The following CDH13 variants were observed in gnomAD, a reference collection of about 807,000 sequenced individuals.
CDH13 encodes cadherin-13.
A neutral mutation model predicts 63.8 loss-of-function variants in CDH13; 24 were observed. The observed-to-expected ratio is 0.38, with a 90% CI of 0.27 to 0.53. The LOEUF (loss-of-function observed/expected upper bound fraction) is 0.53, where lower values mean the gene tolerates loss of function less well. Among genes scored for constraint, CDH13 ranks in the 20% least tolerant of loss-of-function variants. The pLI is 0.85. For missense variants in CDH13, 1,049 were observed against 903.1 expected (o/e 1.16, Z -2.07); for synonymous variants, 503 against 355.3 (o/e 1.42, Z -4.67).
At chr16:83,653,242 A>G (rs114375453) in intron 8 of CDH13, among the ~76,000 whole-genome samples, 1,887 of 152,196 alleles carry the variant, frequency 0.012, 46 homozygotes, top group African/African-American at 0.044. Context: ...TGGTTGCACA[A>G]CTCTGTGAAT....
At chr16:82,865,434 C>A (rs1330604827) in intron 2 of CDH13, among the ~76,000 whole-genome samples, 1 of 152,258 alleles carries the variant, frequency 6.6e-6, no homozygotes, top group Admixed American at 6.5e-5. Flanking sequence ...GTTCCCACAC[C>A]TCAATTCTTG....
At chr16:83,140,033 T>C (rs7189619) in intron 4 of CDH13, among the ~76,000 whole-genome samples, 45,344 of 152,028 alleles carry the variant, frequency 0.3, 7,358 homozygotes, top group African/African-American at 0.43. Flanking sequence ...AGTCCCACCA[T>C]TGGGGATAAC....
At chr16:83,050,594 A>G (rs1202605095) in intron 3 of CDH13, among the ~76,000 whole-genome samples, 3 of 152,074 alleles carry the variant, frequency 2.0e-5, no homozygotes, top group Non-Finnish European at 2.9e-5. Context: ...GTTTTCTACC[A>G]TCCTCAACAA....
chr16:83,624,673 C>G (rs1226624985), intron 8 of CDH13, among the ~76,000 whole-genome samples: 2 of 152,122 alleles, frequency 1.3e-5, no homozygotes, highest in African/African-American at 4.8e-5. Context: ...TGGATCAGTA[C>G]AGGTCCGCAG....
chr16:82,873,897 A>G (rs2040421870), intron 2 of CDH13, among the ~76,000 whole-genome samples: 1 of 152,088 alleles, frequency 6.6e-6, no homozygotes, highest in Non-Finnish European at 1.5e-5. Flanking sequence ...TTCATGTTCT[A>G]GGGATACTTG....
At chr16:83,715,687 T>C (rs970684761) in intron 10 of CDH13, among the ~76,000 whole-genome samples, 2 of 152,288 alleles carry the variant, frequency 1.3e-5, no homozygotes, top group East Asian at 3.9e-4. Flanking sequence ...GGAGCCCTGG[T>C]GGACAGTCTG....
chr16:82,968,444 G>T (rs1478526756), intron 2 of CDH13, among the ~76,000 whole-genome samples: 1 of 152,212 alleles, frequency 6.6e-6, no homozygotes, highest in East Asian at 1.9e-4. Context: ...TAGGGATGAA[G>T]GGGGTTAAGT....
intron 2 of CDH13, among the ~76,000 whole-genome samples, chr16:83,028,968 T>A (rs1351909601): frequency 6.6e-6 from 1 of 152,212 alleles, no homozygotes; most frequent in Admixed American, 6.5e-5. Flanking sequence ...GCTCATCATT[T>A]ACAACCTGTG....
intron 7 of CDH13, among the ~76,000 whole-genome samples, chr16:83,530,169 G>T (rs1047790108): frequency 9.8e-5 from 15 of 152,300 alleles, no homozygotes; most frequent in African/African-American, 3.4e-4. Flanking sequence ...GGGGTGTTCA[G>T]CTTGGTGCTA....
In CDH13 at chr16:83,056,354, C is replaced by G. The variant is rs1219196043; in HGVS notation, c.366+24136C>G. On this transcript the variant is annotated intron_variant, in intron 3 of 13. Coordinates refer to ENST00000567109, the MANE Select transcript of CDH13 (RefSeq NM_001257.5). The stretch of plus-strand genomic sequence containing the variant: ...ACACTAAAGGCTCTTACAAGAAAGT[C>G]CAGAATAACACTTTGTAATAGCTAA... Among the ~76,000 whole-genome samples, 3 of 151,884 alleles carry G rather than the reference C, an allele frequency of 2.0e-5. No homozygotes were observed. The South Asian group carries it at 6.2e-4, about 32-fold the overall frequency.
At chr16:83,464,775 T>G (rs1397361218) in intron 6 of CDH13, among the ~76,000 whole-genome samples, 1 of 152,100 alleles carries the variant, frequency 6.6e-6, no homozygotes, top group African/African-American at 2.4e-5. Flanking sequence ...TGGGTAGACG[T>G]GAATTTGGGG....
chr16:83,482,462 G>A (rs111370951), intron 6 of CDH13, among the ~76,000 whole-genome samples: 9 of 152,316 alleles, frequency 5.9e-5, no homozygotes, highest in African/African-American at 2.2e-4. Flanking sequence ...GAGTCCTCTG[G>A]GGAAACCTTG....
intron 6 of CDH13, among the ~76,000 whole-genome samples, chr16:83,412,654 A>G (rs981917568): frequency 2.6e-5 from 4 of 152,000 alleles, no homozygotes; most frequent in Admixed American, 2.0e-4. Flanking sequence ...GGGCACATCA[A>G]CTCCTTGCAG....
At chr16:83,286,584 T>C (rs999453027) in intron 5 of CDH13, among the ~76,000 whole-genome samples, 1 of 151,934 alleles carries the variant, frequency 6.6e-6, no homozygotes, top group Non-Finnish European at 1.5e-5. Context: ...AGTGAAACCC[T>C]GTCTCTACTA....
In CDH13 at chr16:82,728,977, C is replaced by G. The variant is rs563639387; in HGVS notation, c.45+101840C>G. 2.0e-5 allele frequency among the ~76,000 whole-genome samples: 3 copies of G among 152,132 alleles called. No individual in the cohort carries two copies. In the East Asian group the frequency reaches 5.8e-4, roughly 29 times the overall value. The stretch of plus-strand genomic sequence containing the variant: ...CCATCTCAAGAAACCACTTTCTTGG[C>G]TCATCTATAAGAAGCAACTCCTCAT... On this transcript the variant is annotated intron_variant, in intron 1 of 13. Transcript: ENST00000567109.
intron 1 of CDH13, among the ~76,000 whole-genome samples, chr16:82,725,312 T>C (rs147707788): frequency 1.3e-5 from 2 of 152,314 alleles, no homozygotes; most frequent in Non-Finnish European, 2.9e-5. Context: ...CAAACCAGGT[T>C]TGTGGCCTTG....
chr16:82,754,592 C>T (rs934878531), intron 1 of CDH13, among the ~76,000 whole-genome samples: 4 of 152,180 alleles, frequency 2.6e-5, no homozygotes, highest in African/African-American at 9.7e-5. Context: ...ACAGCTTCTA[C>T]ACAAAGGAAG....
chr16:82,931,397 C>G (rs1214049362), intron 2 of CDH13, among the ~76,000 whole-genome samples: 1 of 152,174 alleles, frequency 6.6e-6, no homozygotes, highest in Non-Finnish European at 1.5e-5. Context: ...GACTTGGACT[C>G]ACATCCTACT....
intron 1 of CDH13, among the ~76,000 whole-genome samples, chr16:82,784,014 G>T (rs897592484): frequency 6.6e-6 from 1 of 152,176 alleles, no homozygotes; most frequent in Non-Finnish European, 1.5e-5. Context: ...CTGGAGGTGT[G>T]TGTGGCTGGG....
Sources: gnomAD v4.1 joint callset for allele counts (sites outside exome capture counted in the v4.1 genomes callset) on GRCh38, gnomAD v4.1.1 for gene constraint, MANE v1.5 for transcripts, NCBI Gene and HGNC (gene_info 2026-07-23, HGNC 2026-07-21) for gene names.